KSR1: variants seen among roughly 807,000 people sequenced by gnomAD.
KSR1 encodes the protein kinase suppressor of ras.
Under a neutral mutation model 92.9 loss-of-function variants are expected in KSR1, and 35 were observed. The observed-to-expected ratio is 0.38, with a 90% CI of 0.29 to 0.50. The LOEUF is 0.50. Among genes scored for constraint, KSR1 ranks in the 20% least tolerant of loss-of-function variants. The pLI is 0.94. For synonymous variants in KSR1, 467 were observed against 472.6 expected, an observed-to-expected ratio of 0.99 and a Z score of 0.15; for missense variants, 972 against 1,158.5, an observed-to-expected ratio of 0.84 and a Z score of 2.34.
At chr17:27,572,899 C>T (rs757210030) in intron 2 of KSR1, among the ~76,000 whole-genome samples, 2 of 152,114 alleles carry the variant, frequency 1.3e-5, no homozygotes, top group South Asian at 4.1e-4. Flanking sequence ...GCCACGCGAC[C>T]GTCCTGGTAG....
At position 27,622,059 on chromosome 17, in the gene KSR1, C is replaced by A. The variant is rs940061552; in HGVS notation, c.2708+786C>A. 3.9e-5 allele frequency: 34 copies of A among 864,426 alleles called. No homozygotes were observed. In the South Asian group the frequency reaches 4.8e-4, roughly 12 times the overall value. The allele number at this position is 864,426 out of a possible 1,614,324, so 53.5% of individuals were successfully genotyped here. A position where few individuals can be genotyped will look rare whatever the true frequency, so the allele number is the denominator to read the frequency against. Reference sequence around the variant, plus strand: ...CCCAGGGGATGCCACCTCTGCTGCTCCAGTCGTCTCTCTCGAGGCTACTTC... The same window carrying A: ...CCCAGGGGATGCCACCTCTGCTGCTACAGTCGTCTCTCTCGAGGCTACTTC... On this transcript the variant is annotated intron_variant, in intron 20 of 20. Coordinates refer to ENST00000644974, the MANE Select transcript of KSR1 (RefSeq NM_001394583.1).
rs1463086655 is a variant in KSR1, at chr17:27,623,924, G to A, written c.*532G>A. On this transcript the variant is annotated 3_prime_UTR_variant, in exon 21 of 21. Coordinates refer to ENST00000644974, the MANE Select transcript of KSR1 (RefSeq NM_001394583.1). ...CCCCTTGTCCTTTCAAAGGGATACTGCCCCTTCCTCGTCTTGCAGAGGAAA... is the reference window on the plus strand; with the variant it reads ...CCCCTTGTCCTTTCAAAGGGATACTACCCCTTCCTCGTCTTGCAGAGGAAA... The A allele has an allele frequency of 6.3e-6, 2 of 318,548 alleles. No individual in the cohort carries two copies. The highest frequency in any genetic ancestry group is 8.5e-4 in the Middle Eastern group (1 of 1,170). The allele number at this position is 318,548 out of a possible 1,614,324, so 19.7% of individuals were successfully genotyped here.
At chr17:27,586,518 G>T (rs1037314168) in intron 5 of KSR1, among the ~76,000 whole-genome samples, 1 of 152,160 alleles carries the variant, frequency 6.6e-6, no homozygotes, top group African/African-American at 2.4e-5. Flanking sequence ...CACAGGGGGA[G>T]CATGAAGAGG....
chr17:27,579,909 A>AAAAAAAAAAAAC (rs1598070888), intron 3 of KSR1: 1 of 149,860 alleles, frequency 6.7e-6, no homozygotes, highest in African/African-American at 2.5e-5. Flanking sequence ...AAAAAAAAAA[A>AAAAAAAAAAAAC]AAGTGAGTGA....
intron 1 of KSR1, among the ~76,000 whole-genome samples, chr17:27,471,824 G>A (rs952951678): frequency 6.6e-6 from 1 of 152,220 alleles, no homozygotes; most frequent in Non-Finnish European, 1.5e-5. Flanking sequence ...GAAGGTGCTG[G>A]TGAGGTGTGA....
At chr17:27,504,119 C>A (rs753046047) in intron 1 of KSR1, among the ~76,000 whole-genome samples, 21 of 152,134 alleles carry the variant, frequency 1.4e-4, no homozygotes, top group Non-Finnish European at 2.4e-4. Flanking sequence ...GTATAGAGAC[C>A]CTGGCAGGTT....
chr17:27,591,318 T>A (rs2073159640), intron 7 of KSR1, among the ~76,000 whole-genome samples: 1 of 152,180 alleles, frequency 6.6e-6, no homozygotes, highest in African/African-American at 2.4e-5. Context: ...CAACTTTATT[T>A]TCTCATGCCT....
chr17:27,615,079 C>T (rs1338066866), intron 18 of KSR1, among the ~76,000 whole-genome samples: 1 of 152,216 alleles, frequency 6.6e-6, no homozygotes, highest in African/African-American at 2.4e-5. Context: ...TATGGGAAGA[C>T]ATCAAAAGAC....
chr17:27,574,277 T>C (rs781660020), intron 2 of KSR1, among the ~76,000 whole-genome samples: 6 of 152,182 alleles, frequency 3.9e-5, no homozygotes, highest in Non-Finnish European at 7.3e-5. Flanking sequence ...AAGCAAGACA[T>C]GTTGATTGTA....
At chr17:27,469,090 T>C (rs1367412114) in intron 1 of KSR1, among the ~76,000 whole-genome samples, 2 of 152,182 alleles carry the variant, frequency 1.3e-5, no homozygotes, top group African/African-American at 4.8e-5. Flanking sequence ...AGGAAGGTGC[T>C]ATTCTCTGGG....
chr17:27,458,592 T>A (rs1245447961), intron 1 of KSR1, among the ~76,000 whole-genome samples: 1 of 152,160 alleles, frequency 6.6e-6, no homozygotes, highest in Non-Finnish European at 1.5e-5. Flanking sequence ...ATCCAGCTAT[T>A]TAAGTGTTGG....
At chr17:27,528,918 A>C (rs538307292) in intron 1 of KSR1, among the ~76,000 whole-genome samples, 23 of 152,192 alleles carry the variant, frequency 1.5e-4, no homozygotes, top group Middle Eastern at 3.4e-3. Context: ...GGAAAAAAAA[A>C]CCACAAAAAT....
At chr17:27,579,248 A>T (rs2072644876) in intron 3 of KSR1, 1 of 152,160 alleles carries the variant, frequency 6.6e-6, no homozygotes, top group Non-Finnish European at 1.5e-5. Flanking sequence ...TCTTCATTGC[A>T]TCCCCATGGG....
At chr17:27,501,326 G>A (rs1194258512) in intron 1 of KSR1, among the ~76,000 whole-genome samples, 2 of 92,864 alleles carry the variant, frequency 2.2e-5, no homozygotes, top group Admixed American at 1.8e-4. Flanking sequence ...TTGAGCTGAA[G>A]TGCAGTGGCT....
intron 1 of KSR1, among the ~76,000 whole-genome samples, chr17:27,458,390 G>A (rs1597811525): frequency 6.6e-6 from 1 of 152,302 alleles, no homozygotes; most frequent in East Asian, 1.9e-4. Flanking sequence ...CGGTGTTGCT[G>A]GGCTTGGAGA....
At chr17:27,530,884 G>A (rs990636682) in intron 1 of KSR1, among the ~76,000 whole-genome samples, 4 of 152,140 alleles carry the variant, frequency 2.6e-5, no homozygotes, top group Admixed American at 6.5e-5. Flanking sequence ...CCTGCCTGTC[G>A]CTTAGTAAAA....
At chr17:27,526,039 TTTCTTTC>T (rs748011469) in intron 1 of KSR1, among the ~76,000 whole-genome samples, 1,141 of 90,152 alleles carry the variant, frequency 0.013, 27 homozygotes, top group African/African-American at 0.06. Context: ...TTTCTTTTCT[TTTCTTTC>T]TCTCTCTCTC....
chr17:27,597,252 A>G lies in KSR1; in HGVS notation c.1300-16A>G, dbSNP rs1480085841. On this transcript the variant is annotated splice_polypyrimidine_tract_variant and intron_variant, in intron 9 of 20. Transcript: ENST00000644974. ...CCAGGACAGCCCTGCCATTCCCAAC[A>G]TCTCTGGTCCTGCAGGAGCACCCTC... The G allele has an allele frequency of 1.9e-6, 3 of 1,565,046 alleles. No individual in the cohort carries two copies. Among genetic ancestry groups the G allele is most frequent in the Admixed American group, 1.9e-5 (1 of 52,174 alleles).
At chr17:27,467,354 G>A (rs986262572) in intron 1 of KSR1, among the ~76,000 whole-genome samples, 1 of 152,190 alleles carries the variant, frequency 6.6e-6, no homozygotes, top group Admixed American at 6.5e-5. Context: ...GTGTGTAGCG[G>A]GCAAGGGAGA....
Sources: allele counts gnomAD v4.1 joint callset (sites outside exome capture counted in the v4.1 genomes callset), GRCh38; gene constraint gnomAD v4.1.1; transcripts MANE v1.5; gene names NCBI Gene and HGNC (gene_info 2026-07-23, HGNC 2026-07-21).